Variants in UGT2B4 observed in about 807,000 individuals in gnomAD.
The protein encoded by UGT2B4 is UDP-glucuronosyltransferase 2B4.
In UGT2B4, 49 loss-of-function variants were observed where a neutral mutation model predicts 49.8. That is an observed-to-expected ratio of 0.98 (90% CI 0.78 to 1.25). UGT2B4 has a LOEUF of 1.25. Among genes scored for constraint, UGT2B4 ranks in the 50% most tolerant of loss-of-function variants. The pLI is 0.00. For missense variants in UGT2B4, 729 were observed against 627.7 expected (o/e 1.16, Z -1.73); for synonymous variants, 246 against 217.7 (o/e 1.13, Z -1.14).
chr4:69,512,116 C>A (rs1295248741), intron 1 of UGT2B4, among the ~76,000 whole-genome samples: 2 of 149,890 alleles, frequency 1.3e-5, no homozygotes, highest in Non-Finnish European at 3.0e-5. Context: ...ATTTATTTTC[C>A]ATTTTTCCAT....
chr4:69,500,590 C>T (rs531552295), upstream of UGT2B4, among the ~76,000 whole-genome samples: 1 of 61,000 alleles, frequency 1.6e-5, no homozygotes, highest in Non-Finnish European at 3.5e-5. Flanking sequence ...AGCAAGAAAG[C>T]AAGCAAGAAA....
intron 5 of UGT2B4, 60 bp downstream of exon 5, chr4:69,485,148 C>A: frequency 1.9e-6 from 3 of 1,565,242 alleles, no homozygotes; most frequent in Admixed American, 3.4e-5. Flanking sequence ...AAGTCATACT[C>A]ACTATTCACA....
At chr4:69,490,157 TAA>T (rs975748877) in intron 2 of UGT2B4, among the ~76,000 whole-genome samples, 4 of 152,120 alleles carry the variant, frequency 2.6e-5, no homozygotes, top group Non-Finnish European at 5.9e-5. Flanking sequence ...AAAGTAGCTG[TAA>T]AAGGTGGTGG....
chr4:69,514,392 C>A (rs1728679420), intron 1 of UGT2B4, among the ~76,000 whole-genome samples: 1 of 152,094 alleles, frequency 6.6e-6, no homozygotes, highest in Admixed American at 6.5e-5. Flanking sequence ...TTTATAGATA[C>A]CGGATTATGT....
intron 1 of UGT2B4, among the ~76,000 whole-genome samples, chr4:69,523,151 T>C (rs2109835715): frequency 6.6e-6 from 1 of 152,322 alleles, no homozygotes; most frequent in South Asian, 2.1e-4. Flanking sequence ...AATCAACTTC[T>C]TCAAAACTCC....
At chr4:69,508,510 T>G (rs1295833898) in intron 1 of UGT2B4, among the ~76,000 whole-genome samples, 1 of 152,172 alleles carries the variant, frequency 6.6e-6, no homozygotes, top group Non-Finnish European at 1.5e-5. Flanking sequence ...ACTATAGAAT[T>G]CAATGCAGCC....
At chr4:69,511,396 C>A (rs574638733) in intron 1 of UGT2B4, among the ~76,000 whole-genome samples, 1 of 152,218 alleles carries the variant, frequency 6.6e-6, no homozygotes, top group South Asian at 2.1e-4. Context: ...GCTCTATCTG[C>A]ATCTGCCGAG....
In UGT2B4 at chr4:69,485,276, A is replaced by T; in HGVS notation, c.1242T>A (p.Ser414Arg). ...TACTCGACATTGTGTGGAAGTCCAA[A>T]CTAACAGCTGCTCCCTTGGCCTTCA... Reference protein sequence around the residue: ...AHMKAKGAAVSLDFHTMSSTD... With the variant: ...AHMKAKGAAVRLDFHTMSSTD... The change falls in exon 5 of 6, where the codon AGT (serine) becomes AGA (arginine). Residue 414 changes from serine to arginine, a missense_variant. Ser to Arg is a moderately radical substitution (Grantham distance 110). Coordinates refer to ENST00000305107, the MANE Select transcript of UGT2B4 (RefSeq NM_021139.3). The T allele has an allele frequency of 9.3e-6, 15 of 1,613,992 alleles. No homozygotes were observed. Among genetic ancestry groups the T allele is most frequent in the Non-Finnish European group, 1.3e-5 (15 of 1,179,948 alleles).
rs1482001489 is a variant in UGT2B4, at chr4:69,495,706, C to G, written c.156G>C (p.Glu52Asp). 1.1e-5 allele frequency: 17 copies of G among 1,613,888 alleles called. No homozygotes were observed. Among genetic ancestry groups the G allele is most frequent in the Non-Finnish European group, 1.4e-5 (17 of 1,179,962 alleles). The change falls in exon 1 of 6, where the codon GAG (glutamate) becomes GAC (aspartate). Residue 52 changes from glutamate (E) to aspartate (D), a missense_variant. Coordinates refer to ENST00000305107, the MANE Select transcript of UGT2B4 (RefSeq NM_021139.3). ...AAGCTGAAGATGCCAATACAGTCAC[C>G]TCATGACCTCTCTGGACAAGTTCAT... ...ILDELVQRGH[E>D]VTVLASSASI... is the part of the protein sequence containing the mutation.
Position 69,485,245 on chromosome 4 carries a change from A to T in UGT2B4, c.1273T>A (p.Leu425Ile). ...ATTACTGTCTTCAGTGCATTGAGTA[A>T]GTCTGTACTCGACATTGTGTGGAAG... ...LDFHTMSSTD[L>I]LNALKTVIND... The change falls in exon 5 of 6, where the codon TTA becomes ATA. Residue 425 changes from leucine to isoleucine, a missense_variant. Leu to Ile is a conservative substitution (Grantham distance 5). Transcript: ENST00000305107. 1 of 1,614,030 alleles carries T rather than the reference A, an allele frequency of 6.2e-7. No individual in the cohort carries two copies. Among genetic ancestry groups the T allele is most frequent in the Non-Finnish European group, 8.5e-7 (1 of 1,179,954 alleles).
chr4:69,511,593 A>G (rs900207496), intron 1 of UGT2B4, among the ~76,000 whole-genome samples: 3 of 152,128 alleles, frequency 2.0e-5, no homozygotes, highest in Non-Finnish European at 4.4e-5. Context: ...TTTATTAACA[A>G]TATTGGACTG....
Position 69,485,270 on chromosome 4 carries a change from G to T in UGT2B4, c.1248C>A (p.Asp416Glu). The T allele has an allele frequency of 6.2e-7, 1 of 1,613,952 alleles. No individual in the cohort carries two copies. Among genetic ancestry groups the T allele is most frequent in the Non-Finnish European group, 8.5e-7 (1 of 1,179,954 alleles). ...AGTCTGTACTCGACATTGTGTGGAAGTCCAAACTAACAGCTGCTCCCTTGG... is the reference window on the plus strand; with the variant it reads ...AGTCTGTACTCGACATTGTGTGGAATTCCAAACTAACAGCTGCTCCCTTGG... ...MKAKGAAVSL[D>E]FHTMSSTDLL... The change falls in exon 5 of 6, where the codon GAC becomes GAA. Residue 416 changes from aspartate (D) to glutamate (E), a missense_variant. Physicochemically the swap from Asp to Glu is conservative, Grantham distance 45. Transcript: ENST00000305107.
rs189862534 is a variant in UGT2B4, at chr4:69,488,328, G to A, written c.1002+1111C>T. ...TACAAAATTTTGACAACAGTGATTC[G>A]TATGTTTTGCTATAGCTGAGACATT... On this transcript the variant is annotated intron_variant, in intron 3 of 5. Transcript: ENST00000305107. Among the ~76,000 whole-genome samples the A allele has an allele frequency of 1.2e-3, 177 of 152,044 alleles. No individual in the cohort carries two copies. The Middle Eastern group carries it at 0.027, about 23-fold the overall frequency.
chr4:69,486,104 G>A (rs578159536), intron 4 of UGT2B4, among the ~76,000 whole-genome samples: 1 of 152,200 alleles, frequency 6.6e-6, no homozygotes, highest in African/African-American at 2.4e-5. Flanking sequence ...TGATATGTAG[G>A]GTGTGCAAGG....
At chr4:69,507,791 A>G (rs748049165) in intron 1 of UGT2B4, among the ~76,000 whole-genome samples, 4 of 152,218 alleles carry the variant, frequency 2.6e-5, no homozygotes, top group Non-Finnish European at 4.4e-5. Flanking sequence ...TTCAGAATAT[A>G]GACACGGGCA....
chr4:69,488,670 T>G (rs922735593), intron 3 of UGT2B4, among the ~76,000 whole-genome samples: 4 of 151,982 alleles, frequency 2.6e-5, no homozygotes, highest in Non-Finnish European at 5.9e-5. Flanking sequence ...CTGCCTCCAT[T>G]GGGAGGAGTT....
In UGT2B4 at chr4:69,495,733, C is replaced by T; in HGVS notation, c.129G>A (p.Leu43=). Residue 43 remains leucine (L), a synonymous_variant, in exon 1 of 6, where the codon CTG becomes CTA. Transcript: ENST00000305107. ...CATGACCTCTCTGGACAAGTTCATC[C>T]AGGATTGTCTTTATATTCATCCAGT... is the stretch of plus-strand genomic sequence containing the variant. The part of the protein sequence containing the change: ...FSHWMNIKTI[L]DELVQRGHEV... 1.2e-6 allele frequency: 2 copies of T among 1,614,034 alleles called. No homozygotes were observed. The highest frequency in any genetic ancestry group is 2.2e-5 in the East Asian group (1 of 44,850).
At chr4:69,522,443 TCA>T (rs1422679166) in intron 1 of UGT2B4, among the ~76,000 whole-genome samples, 1 of 152,208 alleles carries the variant, frequency 6.6e-6, no homozygotes, top group African/African-American at 2.4e-5. Context: ...ATAAACTCAA[TCA>T]CACAAATGGT....
chr4:69,493,951 G>T, intron 1 of UGT2B4, 110 bp from the exon 2 acceptor site: 1 of 1,257,460 alleles, frequency 8.0e-7, no homozygotes, highest in South Asian at 1.6e-5. Context: ...AAGTGTTTGT[G>T]CCTTGAAAAA....
Sources: allele counts gnomAD v4.1 joint callset (sites outside exome capture counted in the v4.1 genomes callset), GRCh38; gene constraint gnomAD v4.1.1; transcripts MANE v1.5; gene names NCBI Gene and HGNC (gene_info 2026-07-23, HGNC 2026-07-21).